TTLL11: variants seen among roughly 807,000 people sequenced by gnomAD.
TTLL11 encodes tubulin tyrosine ligase like 11.
A neutral mutation model predicts 51.7 loss-of-function variants in TTLL11; 42 were observed. The observed-to-expected ratio is 0.81, with a 90% CI of 0.64 to 1.05. TTLL11 has a LOEUF of 1.05. TTLL11 is among the 50% of genes least tolerant of loss of function. The probability of loss-of-function intolerance (pLI) is 0.00; values close to 1 mark genes in which losing one functional copy is unlikely to be tolerated. For missense variants in TTLL11, 799 were observed against 940.4 expected (o/e 0.85, Z 1.97); for synonymous variants, 381 against 383.5 (o/e 0.99, Z 0.08).
rs1838325779 is a variant in TTLL11 at position 121,870,642 on chromosome 9, T to C, written c.1588A>G (p.Ile530Val). Reference protein sequence around the residue: ...NANPEAHLPSICLKQVFPKYA... With the variant: ...NANPEAHLPSVCLKQVFPKYA... The stretch of plus-strand genomic sequence containing the variant: ...TTGGGGAACACCTGCTTGAGGCAAA[T>C]GGAAGGCAGGTGGGCTTCGGGGTTG... Residue 530 changes from isoleucine to valine, a missense_variant, in exon 7 of 9, where the codon ATT becomes GTT. Ile to Val is a conservative substitution (Grantham distance 29, BLOSUM62 3). Around this residue, in one of 3 missense-constraint regions of TTLL11, gnomAD observed 468 missense variants for 612.8 expected, o/e 0.76. Coordinates refer to ENST00000321582, the MANE Select transcript of TTLL11 (RefSeq NM_001139442.2). The C allele has an allele frequency of 6.4e-7, 1 of 1,551,782 alleles. No homozygotes were observed. Among genetic ancestry groups the C allele is most frequent in the African/African-American group, 1.4e-5 (1 of 73,170 alleles).
intron 6 of TTLL11, among the ~76,000 whole-genome samples, chr9:121,940,355 T>TG (rs988884640): frequency 1.3e-4 from 19 of 152,000 alleles, no homozygotes; most frequent in African/African-American, 4.3e-4. Context: ...TTTTTTTTTT[T>TG]GAGATGGAAT....
intron 6 of TTLL11, among the ~76,000 whole-genome samples, chr9:121,893,998 G>A (rs1482084288): frequency 5.9e-5 from 9 of 152,186 alleles, no homozygotes; most frequent in Admixed American, 5.9e-4. Context: ...ACACCTGTGG[G>A]GAGGAAGTAA....
intron 6 of TTLL11, among the ~76,000 whole-genome samples, chr9:121,886,564 C>T (rs1164229923): frequency 4.6e-5 from 7 of 152,152 alleles, no homozygotes; most frequent in East Asian, 1.9e-4. Context: ...GGGGCATGGC[C>T]CTGCGGACAC....
intron 8 of TTLL11, among the ~76,000 whole-genome samples, chr9:121,832,393 T>G (rs535872629): frequency 1.4e-4 from 22 of 152,328 alleles, no homozygotes; most frequent in African/African-American, 5.1e-4. Context: ...ATCTCTTTGG[T>G]AACATTGCCT....
At chr9:121,988,287 T>G (rs1319134664) in intron 4 of TTLL11, among the ~76,000 whole-genome samples, 1 of 152,210 alleles carries the variant, frequency 6.6e-6, no homozygotes, top group Admixed American at 6.5e-5. Flanking sequence ...TTCTCTACTC[T>G]GTAGACACTG....
intron 3 of TTLL11, among the ~76,000 whole-genome samples, chr9:122,002,358 C>A (rs552730278): frequency 6.6e-6 from 1 of 152,322 alleles, no homozygotes; most frequent in Non-Finnish European, 1.5e-5. Context: ...CTACCACGAC[C>A]ACAACGGTCT....
At chr9:121,824,794 C>T (rs575633793) in intron 8 of TTLL11, among the ~76,000 whole-genome samples, 15 of 152,266 alleles carry the variant, frequency 9.9e-5, no homozygotes, top group Non-Finnish European at 1.8e-4. Context: ...GAAATCCACA[C>T]CTTCCTGGTG....
intron 1 of TTLL11, among the ~76,000 whole-genome samples, chr9:122,054,635 C>G (rs1588242356): frequency 6.6e-6 from 1 of 152,102 alleles, no homozygotes; most frequent in East Asian, 1.9e-4. Flanking sequence ...TACTCCATTC[C>G]AACATAATTC....
At chr9:122,015,548 A>C (rs1419561833) in intron 3 of TTLL11, among the ~76,000 whole-genome samples, 3 of 152,130 alleles carry the variant, frequency 2.0e-5, no homozygotes, top group Admixed American at 6.5e-5. Context: ...CGTGCTTCAG[A>C]AGCAGGAGAC....
chr9:122,083,025 C>A (rs1293725557), intron 1 of TTLL11, among the ~76,000 whole-genome samples: 1 of 152,012 alleles, frequency 6.6e-6, no homozygotes, highest in Non-Finnish European at 1.5e-5. Context: ...CAGAGCAAGA[C>A]CCTCTCTAGA....
In TTLL11 at chr9:121,822,977, C is replaced by T; in HGVS notation, c.1841-98G>A. ...CCACAAGGATGTCAGCAAGAGCTAGCCCCGCTCCCCACCACCGTCTCCATT... is the reference window on the plus strand; with the variant it reads ...CCACAAGGATGTCAGCAAGAGCTAGTCCCGCTCCCCACCACCGTCTCCATT... On this transcript the variant is annotated intron_variant, in intron 8 of 8. Transcript: ENST00000321582. This position sits in a 1 kb window ranked among gnomAD's most constrained non-coding sequence, Gnocchi z 5.8. The T allele has an allele frequency of 7.5e-7, 1 of 1,325,068 alleles. No individual in the cohort carries two copies. Among genetic ancestry groups the T allele is most frequent in the East Asian group, 2.6e-5 (1 of 38,914 alleles). The allele number at this position is 1,325,068 out of a possible 1,614,324, so 82.1% of individuals were successfully genotyped here.
chr9:121,839,736 C>T (rs1258572799), intron 8 of TTLL11, among the ~76,000 whole-genome samples: 2 of 152,172 alleles, frequency 1.3e-5, no homozygotes, highest in Non-Finnish European at 2.9e-5. Flanking sequence ...CCCATCCCCC[C>T]GACTGTCCAG....
chr9:122,039,247 A>G, intron 2 of TTLL11, 25 bp downstream of exon 2: 1 of 1,595,004 alleles, frequency 6.3e-7, no homozygotes, highest in Non-Finnish European at 8.6e-7. Flanking sequence ...AAACATGTTT[A>G]AATGTCAACA....
chr9:122,059,147 T>C lies in TTLL11; in HGVS notation c.463-19779A>G, dbSNP rs540280991. ...GCCTGTATCCTGTTGCAAATAATGA[T>C]TAAAAGAAACATTGTGGGATTAAGA... On this transcript the variant is annotated intron_variant, in intron 1 of 8. Transcript: ENST00000321582. Among the ~76,000 whole-genome samples the C allele has an allele frequency of 3.9e-5, 6 of 152,242 alleles. No individual in the cohort carries two copies. In the South Asian group the frequency reaches 6.2e-4, roughly 16 times the overall value.
In TTLL11 at chr9:121,821,393, C is replaced by T. The variant is rs1403561359; in HGVS notation, c.*1194G>A. Among the ~76,000 whole-genome samples, 1 of 152,172 alleles carries T rather than the reference C, an allele frequency of 6.6e-6. No homozygotes were observed. The highest frequency in any genetic ancestry group is 1.5e-5 in the Non-Finnish European group (1 of 68,034). ...ATACTTTCCTGCACCTCGCTTGGAG[C>T]ACGATGACTGACTCTTCCCAGGTTC... On this transcript the variant is annotated 3_prime_UTR_variant, in exon 9 of 9. Transcript: ENST00000321582. This position sits in a 1 kb window ranked among gnomAD's most constrained non-coding sequence, Gnocchi z 5.0.
At chr9:121,949,076 C>T (rs754740434) in intron 6 of TTLL11, among the ~76,000 whole-genome samples, 2 of 152,102 alleles carry the variant, frequency 1.3e-5, no homozygotes, top group African/African-American at 4.8e-5. Context: ...CTGAGTCAGA[C>T]ACTCTGCCAC....
intron 6 of TTLL11, among the ~76,000 whole-genome samples, chr9:121,938,123 A>C (rs1049910753): frequency 6.6e-6 from 1 of 152,146 alleles, no homozygotes; most frequent in African/African-American, 2.4e-5. Context: ...TCCGGTCTCT[A>C]CTAAAAATAC....
chr9:121,857,990 C>G (rs937367616), intron 8 of TTLL11, among the ~76,000 whole-genome samples: 5 of 152,188 alleles, frequency 3.3e-5, no homozygotes, highest in Non-Finnish European at 7.3e-5. Context: ...GATGACTCCC[C>G]ACATTCAGCT....
chr9:121,867,016 G>A (rs1838200184), intron 7 of TTLL11, among the ~76,000 whole-genome samples: 1 of 152,160 alleles, frequency 6.6e-6, no homozygotes, highest in African/African-American at 2.4e-5. Context: ...CATAGAGACA[G>A]ATTTGTGGCT....
Sources: gnomAD v4.1 joint callset for allele counts (sites outside exome capture counted in the v4.1 genomes callset) on GRCh38, gnomAD v4.1.1 for gene constraint, gnomAD v4.1.1 regional missense constraint, Gnocchi (gnomAD v3.1) non-coding constraint, MANE v1.5 for transcripts, NCBI Gene and HGNC (gene_info 2026-07-23, HGNC 2026-07-21) for gene names.